The following CFAP299 variants were observed in gnomAD, a reference collection of about 807,000 sequenced individuals.
CFAP299 encodes cilia- and flagella-associated protein 299.
Under a neutral mutation model 27.0 loss-of-function variants are expected in CFAP299, and 21 were observed. The ratio of observed to expected loss-of-function variants is 0.78; its 90% CI spans 0.55 to 1.12. The LOEUF (loss-of-function observed/expected upper bound fraction) is 1.12, where lower values mean the gene tolerates loss of function less well. Among genes scored for constraint, CFAP299 ranks in the 50% most tolerant of loss-of-function variants. The pLI is 0.00. For synonymous variants in CFAP299, 104 were observed against 98.1 expected (o/e 1.06, Z -0.36); for missense variants, 310 against 276.6 (o/e 1.12, Z -0.86).
chr4:80,585,487 G>A (rs1398413311), intron 3 of CFAP299, among the ~76,000 whole-genome samples: 1 of 151,810 alleles, frequency 6.6e-6, no homozygotes, highest in Non-Finnish European at 1.5e-5. Flanking sequence ...CATCCATTTG[G>A]TCACCAACCC....
intron 2 of CFAP299, among the ~76,000 whole-genome samples, chr4:80,568,204 A>G (rs1560629039): frequency 6.6e-6 from 1 of 151,862 alleles, no homozygotes; most frequent in Non-Finnish European, 1.5e-5. Context: ...TATTTTATAT[A>G]TGTGTATGCT....
chr4:80,639,873 T>G (rs1739640247), intron 3 of CFAP299: 1 of 152,300 alleles, frequency 6.6e-6, no homozygotes, highest in African/African-American at 2.4e-5. Flanking sequence ...GGTTTAACCA[T>G]GTTGGCCAGG....
rs184451330 is a variant in CFAP299 at position 80,556,941 on chromosome 4, C to G, written c.243-26152C>G. On this transcript the variant is annotated intron_variant, in intron 2 of 5. Coordinates refer to ENST00000358105, the MANE Select transcript of CFAP299 (RefSeq NM_152770.3). ...CTTAATATTACATAAACATTTTGCT[C>G]AAAAGAGAAAACCAAAATTTCACCT... Among the ~76,000 whole-genome samples, 4 of 152,122 alleles carry G rather than the reference C, an allele frequency of 2.6e-5. No individual in the cohort carries two copies. The East Asian group carries it at 7.7e-4, about 29-fold the overall frequency.
chr4:80,425,455 T>C (rs1727488439), intron 2 of CFAP299, among the ~76,000 whole-genome samples: 1 of 152,204 alleles, frequency 6.6e-6, no homozygotes, highest in South Asian at 2.1e-4. Context: ...TGCAAGTAGC[T>C]TTGGGGATAC....
rs183002735 is a variant in CFAP299, at chr4:80,514,438, G to A, written c.243-68655G>A. On this transcript the variant is annotated intron_variant, in intron 2 of 5. Transcript: ENST00000358105. ...GGGAAAAGAGAAGGCCAAAAAACGC[G>A]TATATCTTAAAATAGTTTTAAAAGT... Among the ~76,000 whole-genome samples the A allele has an allele frequency of 3.7e-3, 559 of 152,112 alleles. 3 individuals carry two copies. The highest frequency in any genetic ancestry group is 4.0e-3 in the Non-Finnish European group (271 of 67,950).
In CFAP299 at chr4:80,955,031, A is replaced by AAAC. The variant is rs1737995582; in HGVS notation, c.607-8484_607-8483insCAA. 6.8e-5 allele frequency among the ~76,000 whole-genome samples: 2 copies of AAAC among 29,620 alleles called. 1 individual carries two copies. Among genetic ancestry groups the AAAC allele is most frequent in the African/African-American group, 2.7e-4 (2 of 7,514 alleles). The allele number at this position is 29,620 out of a possible 152,430, so 19.4% of individuals were successfully genotyped here. On this transcript the variant is annotated intron_variant, in intron 5 of 5. Coordinates refer to ENST00000358105, the MANE Select transcript of CFAP299 (RefSeq NM_152770.3). ...AAAAAAAAAAAAAAAAAAAAAAAAA[A>AAAC]AAACGCACACATGGCCATATACAGA...
chr4:80,715,256 G>A (rs151218019), intron 3 of CFAP299, among the ~76,000 whole-genome samples: 2 of 152,042 alleles, frequency 1.3e-5, no homozygotes, highest in Admixed American at 6.6e-5. Context: ...TATGTGATTT[G>A]GTTGGAACAT....
At chr4:80,624,315 AG>A (rs1205255522) in intron 3 of CFAP299, among the ~76,000 whole-genome samples, 1 of 152,162 alleles carries the variant, frequency 6.6e-6, no homozygotes, top group East Asian at 1.9e-4. Flanking sequence ...ATAAGTAAAA[AG>A]CAAACAAATC....
intron 5 of CFAP299, among the ~76,000 whole-genome samples, chr4:80,952,546 T>C (rs1171135069): frequency 6.6e-6 from 1 of 152,168 alleles, no homozygotes; most frequent in Non-Finnish European, 1.5e-5. Context: ...TACTTTATTA[T>C]TTTTAAAAAT....
Position 80,690,800 on chromosome 4 carries a change from G to A in CFAP299, c.333+107617G>A, listed in dbSNP as rs565835904. Among the ~76,000 whole-genome samples the A allele has an allele frequency of 3.1e-3, 454 of 147,056 alleles. 1 individual carries two copies. Among genetic ancestry groups the A allele is most frequent in the Middle Eastern group, 6.9e-3 (2 of 288 alleles). ...AACAAAATTGATAGACCGCTAGCAA[G>A]ACTAATAAAGAAGAAAAGAGAGAAG... On this transcript the variant is annotated intron_variant, in intron 3 of 5. Transcript: ENST00000358105.
At chr4:80,636,034 C>T (rs925535586) in intron 3 of CFAP299, among the ~76,000 whole-genome samples, 1 of 152,120 alleles carries the variant, frequency 6.6e-6, no homozygotes, top group Non-Finnish European at 1.5e-5. Flanking sequence ...AGGATTTCTC[C>T]TCAGTTAATA....
chr4:80,404,849 A>G (rs192546174), intron 2 of CFAP299, among the ~76,000 whole-genome samples: 10 of 151,940 alleles, frequency 6.6e-5, no homozygotes, highest in Admixed American at 2.0e-4. Context: ...TTTTTTTAGG[A>G]ACCATCATAC....
chr4:80,831,430 T>C (rs1234565181), intron 3 of CFAP299, among the ~76,000 whole-genome samples: 4 of 152,068 alleles, frequency 2.6e-5, no homozygotes, highest in African/African-American at 9.7e-5. Context: ...TGTGGAGAAG[T>C]ATCTATATTT....
intron 3 of CFAP299, among the ~76,000 whole-genome samples, chr4:80,588,725 CTTAA>C (rs931605898): frequency 2.1e-5 from 3 of 143,892 alleles, no homozygotes; most frequent in African/African-American, 2.9e-5. Flanking sequence ...GCCAATTATA[CTTAA>C]TTAAGACAAT....
chr4:80,784,943 A>G (rs951738632), intron 3 of CFAP299, among the ~76,000 whole-genome samples: 2 of 152,174 alleles, frequency 1.3e-5, no homozygotes, highest in African/African-American at 2.4e-5. Flanking sequence ...AATTTTGGAT[A>G]TTAATCCATT....
intron 2 of CFAP299, among the ~76,000 whole-genome samples, chr4:80,580,238 T>A (rs566423261): frequency 3.3e-5 from 5 of 152,180 alleles, no homozygotes; most frequent in African/African-American, 1.2e-4. Context: ...TACATTCTCA[T>A]GAGGTGAAAT....
chr4:80,331,693 G>A (rs1488160502), upstream of CFAP299, among the ~76,000 whole-genome samples: 1 of 152,134 alleles, frequency 6.6e-6, no homozygotes, highest in African/African-American at 2.4e-5. Context: ...ACTGGAGGAG[G>A]AACAAATTAG....
At chr4:80,771,423 A>G (rs1726210717) in intron 3 of CFAP299, among the ~76,000 whole-genome samples, 1 of 152,202 alleles carries the variant, frequency 6.6e-6, no homozygotes, top group African/African-American at 2.4e-5. Flanking sequence ...CGATGGTAAA[A>G]TTAATGTAGC....
upstream of CFAP299, among the ~76,000 whole-genome samples, chr4:80,330,747 G>T (rs1224417175): frequency 6.6e-6 from 1 of 152,190 alleles, no homozygotes; most frequent in East Asian, 1.9e-4. Flanking sequence ...TTTCTAAAAT[G>T]TAGGTGCTAA....
Sources: gnomAD v4.1 joint callset for allele counts (sites outside exome capture counted in the v4.1 genomes callset) on GRCh38, gnomAD v4.1.1 for gene constraint, MANE v1.5 for transcripts, NCBI Gene and HGNC (gene_info 2026-07-23, HGNC 2026-07-21) for gene names.